Variants in RASSF6 observed in about 807,000 individuals in gnomAD.
RASSF6 encodes the protein ras association domain-containing protein 6.
RASSF6 carries 52 observed loss-of-function variants against 44.0 expected under a neutral mutation model. The observed-to-expected ratio is 1.18, with a 90% confidence interval of 0.95 to 1.49. The LOEUF (loss-of-function observed/expected upper bound fraction) is 1.49, where lower values mean the gene tolerates loss of function less well. Ranked by LOEUF, RASSF6 falls within the 40% of genes most tolerant of loss-of-function variation. The probability of loss-of-function intolerance (pLI) is 0.00; values close to 1 mark genes in which losing one functional copy is unlikely to be tolerated. For missense variants in RASSF6, 464 were observed against 393.3 expected, an observed-to-expected ratio of 1.18 and a Z score of -1.52; for synonymous variants, 162 against 124.6, an observed-to-expected ratio of 1.30 and a Z score of -2.00.
intron 2 of RASSF6, among the ~76,000 whole-genome samples, chr4:73,602,720 G>T (rs1316009660): frequency 1.3e-5 from 2 of 152,156 alleles, no homozygotes; most frequent in Non-Finnish European, 2.9e-5. Flanking sequence ...CTTTAAAATG[G>T]GTGATAAGAA....
intron 2 of RASSF6, among the ~76,000 whole-genome samples, chr4:73,602,450 C>T (rs1409468137): frequency 6.6e-6 from 1 of 152,226 alleles, no homozygotes; most frequent in Non-Finnish European, 1.5e-5. Flanking sequence ...ATAATAATTA[C>T]AGGCATTGTA....
chr4:73,614,572 G>A (rs991720274), intron 1 of RASSF6, among the ~76,000 whole-genome samples: 5 of 152,232 alleles, frequency 3.3e-5, no homozygotes, highest in African/African-American at 1.2e-4. Context: ...TAATTACAAA[G>A]TGAAAATTGG....
Position 73,611,831 on chromosome 4 carries a change from T to A in RASSF6, c.-34-2A>T, listed in dbSNP as rs771996701. 1.9e-6 allele frequency: 3 copies of A among 1,564,214 alleles called. No homozygotes were observed. Among genetic ancestry groups the A allele is most frequent in the Non-Finnish European group, 2.6e-6 (3 of 1,135,690 alleles). Reference sequence around the variant, plus strand: ...TTTTTGAGATGGTCTGAGGATATCCTAAACATGAGAATAATATTAATGATT... The same window carrying A: ...TTTTTGAGATGGTCTGAGGATATCCAAAACATGAGAATAATATTAATGATT... On this transcript the variant is annotated splice_acceptor_variant, in intron 1 of 10. Coordinates refer to ENST00000307439, the MANE Select transcript of RASSF6 (RefSeq NM_177532.5). LOFTEE classifies it low-confidence loss of function (5UTR_SPLICE).
In RASSF6 at chr4:73,620,358, G is replaced by A; in HGVS notation, c.-105C>T. On this transcript the variant is annotated 5_prime_UTR_variant, in exon 1 of 11. Transcript: ENST00000307439. ...TTCGGCTGAACTTGCTTCGCGGTTT[G>A]TTCTCGGCTGGGTCAGGAACTCTGG... 6.6e-7 allele frequency: 1 copy of A among 1,504,832 alleles called. No individual in the cohort carries two copies. The highest frequency in any genetic ancestry group is 8.8e-7 in the Non-Finnish European group (1 of 1,130,404). The allele number at this position is 1,504,832 out of a possible 1,614,324, so 93.2% of individuals were successfully genotyped here. A position where few individuals can be genotyped will look rare whatever the true frequency, so the allele number is the denominator to read the frequency against.
intron 8 of RASSF6, among the ~76,000 whole-genome samples, chr4:73,579,745 C>G (rs1723478895): frequency 6.6e-6 from 1 of 151,974 alleles, no homozygotes; most frequent in Non-Finnish European, 1.5e-5. Context: ...TAAATTGTTA[C>G]ACAGTCCAGT....
intron 1 of RASSF6, among the ~76,000 whole-genome samples, chr4:73,612,391 T>C (rs1234766854): frequency 6.6e-5 from 10 of 152,088 alleles, no homozygotes; most frequent in Admixed American, 6.6e-4. Flanking sequence ...TTTGCAAAAA[T>C]TGAATATTCA....
chr4:73,584,107 T>C (rs12506668), intron 6 of RASSF6, among the ~76,000 whole-genome samples: 42,427 of 151,902 alleles, frequency 0.28, 6,168 homozygotes, highest in Admixed American at 0.41. Context: ...CAATGCTACT[T>C]TATAGCTATG....
chr4:73,600,655 C>T (rs1725224279), intron 2 of RASSF6, among the ~76,000 whole-genome samples: 2 of 152,098 alleles, frequency 1.3e-5, no homozygotes. Context: ...TGTATGTTGC[C>T]ATTGGCTTTT....
chr4:73,602,352 T>C (rs1382999730), intron 2 of RASSF6, among the ~76,000 whole-genome samples: 1 of 152,148 alleles, frequency 6.6e-6, no homozygotes. Context: ...ACTAGTGTGG[T>C]AGAGGTGCAG....
chr4:73,599,903 T>G (rs1025645049), intron 2 of RASSF6, among the ~76,000 whole-genome samples: 1 of 152,114 alleles, frequency 6.6e-6, no homozygotes, highest in African/African-American at 2.4e-5. Flanking sequence ...TTCCCTCACT[T>G]CATGCAACCA....
At chr4:73,612,560 G>T (rs989209925) in intron 1 of RASSF6, among the ~76,000 whole-genome samples, 2 of 149,808 alleles carry the variant, frequency 1.3e-5, no homozygotes, top group Non-Finnish European at 3.0e-5. Flanking sequence ...CTGGTTATTT[G>T]GGTTGGGTAA....
Position 73,611,847 on chromosome 4 carries a change from A to G in RASSF6, c.-34-18T>C. The G allele has an allele frequency of 6.7e-7, 1 of 1,499,238 alleles. No homozygotes were observed. The highest frequency in any genetic ancestry group is 9.3e-7 in the Non-Finnish European group (1 of 1,077,884). The allele number at this position is 1,499,238 out of a possible 1,614,324, so 92.9% of individuals were successfully genotyped here. A position where few individuals can be genotyped will look rare whatever the true frequency, so the allele number is the denominator to read the frequency against. ...AGGATATCCTAAACATGAGAATAAT[A>G]TTAATGATTTGTTCCTATAATGCAT... is the stretch of plus-strand genomic sequence containing the variant. On this transcript the variant is annotated intron_variant, in intron 1 of 10. Transcript: ENST00000307439.
chr4:73,615,882 T>C (rs1309425115), intron 1 of RASSF6: 9 of 1,549,970 alleles, frequency 5.8e-6, no homozygotes, highest in Non-Finnish European at 7.9e-6. Context: ...TGGGCTTGCC[T>C]GGACTTACCA....
chr4:73,577,716 AAT>A (rs1723329269), intron 8 of RASSF6, among the ~76,000 whole-genome samples: 1 of 152,134 alleles, frequency 6.6e-6, no homozygotes, highest in Non-Finnish European at 1.5e-5. Flanking sequence ...CACCCACCAG[AAT>A]CCTCTTTTGA....
At chr4:73,608,060 C>T (rs1334207614) in intron 2 of RASSF6, among the ~76,000 whole-genome samples, 1 of 135,970 alleles carries the variant, frequency 7.4e-6, no homozygotes, top group Non-Finnish European at 1.6e-5. Flanking sequence ...TCTCCCCCTT[C>T]CTCTCCCCTC....
At chr4:73,604,884 C>CTTTTTTTT (rs35609056) in intron 2 of RASSF6, among the ~76,000 whole-genome samples, 14 of 138,328 alleles carry the variant, frequency 1.0e-4, no homozygotes, top group Non-Finnish European at 1.4e-4. Flanking sequence ...CATTTTCTTT[C>CTTTTTTTT]TTTTTTTTTT....
intron 1 of RASSF6, among the ~76,000 whole-genome samples, chr4:73,615,599 G>T (rs1044494682): frequency 6.6e-6 from 1 of 152,206 alleles, no homozygotes; most frequent in Non-Finnish European, 1.5e-5. Context: ...GACTTAGATT[G>T]TGTGTAAAAT....
At chr4:73,597,994 C>T (rs777383071) in intron 3 of RASSF6, among the ~76,000 whole-genome samples, 3 of 151,960 alleles carry the variant, frequency 2.0e-5, no homozygotes, top group African/African-American at 4.8e-5. Context: ...AGGGATAGGA[C>T]CAGGAAAAAT....
chr4:73,608,338 A>G (rs943092369), intron 2 of RASSF6, among the ~76,000 whole-genome samples: 8 of 152,054 alleles, frequency 5.3e-5, no homozygotes, highest in Non-Finnish European at 8.8e-5. Context: ...TTTACTAGGA[A>G]TAACAGATTA....
Sources: allele counts gnomAD v4.1 joint callset (sites outside exome capture counted in the v4.1 genomes callset), GRCh38; gene constraint gnomAD v4.1.1; transcripts MANE v1.5; gene names NCBI Gene and HGNC (gene_info 2026-07-23, HGNC 2026-07-21).